NDUFAF6: variants seen among roughly 807,000 people sequenced by gnomAD.
The protein encoded by NDUFAF6 is NADH:ubiquinone oxidoreductase complex assembly factor 6.
In NDUFAF6, 45 loss-of-function variants were observed where a neutral mutation model predicts 40.8. The ratio of observed to expected loss-of-function variants is 1.10; its 90% confidence interval spans 0.87 to 1.42. The LOEUF is 1.42. Among genes scored for constraint, NDUFAF6 ranks in the 40% most tolerant of loss-of-function variants. The probability of loss-of-function intolerance (pLI) is 0.00; values close to 1 mark genes in which losing one functional copy is unlikely to be tolerated. For missense variants in NDUFAF6, 435 were observed against 418.5 expected, an observed-to-expected ratio of 1.04 and a Z score of -0.34; for synonymous variants, 185 against 155.9, an observed-to-expected ratio of 1.19 and a Z score of -1.39.
chr8:94,896,741 C>G (rs1260772860), intron 1 of NDUFAF6: 1 of 152,112 alleles, frequency 6.6e-6, no homozygotes, highest in African/African-American at 2.4e-5. Context: ...CCCGCCCGGC[C>G]TTTTGTGCTG....
chr8:94,955,154 C>A (rs115995306), upstream of NDUFAF6, among the ~76,000 whole-genome samples: 458 of 152,320 alleles, frequency 3.0e-3, 1 homozygote, highest in African/African-American at 0.011. Flanking sequence ...ACATGTAGGT[C>A]TTTGGTAAGT....
intron 1 of NDUFAF6, among the ~76,000 whole-genome samples, chr8:94,971,909 G>A (rs1472726847): frequency 1.4e-4 from 21 of 151,672 alleles, no homozygotes; most frequent in Admixed American, 1.4e-3. Flanking sequence ...TTGCACTCCA[G>A]CCTGGGCAAC....
intron 2 of NDUFAF6, among the ~76,000 whole-genome samples, chr8:94,986,896 T>TCTAC (rs1413026903): frequency 6.6e-6 from 1 of 152,224 alleles, no homozygotes; most frequent in Admixed American, 6.5e-5. Flanking sequence ...AAATTGAGGC[T>TCTAC]CTACAGGAGC....
At chr8:95,074,656 CTCT>C (rs1319785346) in intron 9 of NDUFAF6, among the ~76,000 whole-genome samples, 1 of 152,216 alleles carries the variant, frequency 6.6e-6, no homozygotes, top group Non-Finnish European at 1.5e-5. Flanking sequence ...CTTCCCCCTC[CTCT>C]TTTCTCTGTC....
intron 1 of NDUFAF6, among the ~76,000 whole-genome samples, chr8:94,920,784 A>G (rs1319065922): frequency 2.0e-5 from 3 of 152,318 alleles, no homozygotes; most frequent in Middle Eastern, 3.4e-3. Context: ...GCCATTCTCT[A>G]TGAGCATCCC....
chr8:95,095,380 G>C (rs140310239), intron 2 of NDUFAF6, among the ~76,000 whole-genome samples: 107 of 152,266 alleles, frequency 7.0e-4, no homozygotes, highest in African/African-American at 2.5e-3. Flanking sequence ...TCATCCGAAT[G>C]GGATCCAGGT....
chr8:95,068,190 A>G (rs192522126), intron 9 of NDUFAF6: 2 of 151,972 alleles, frequency 1.3e-5, no homozygotes, highest in East Asian at 3.9e-4. Context: ...CTTGGATCGC[A>G]AAGTCCCTGG....
At chr8:95,010,729 T>A (rs1211819484) in intron 2 of NDUFAF6, among the ~76,000 whole-genome samples, 1 of 151,682 alleles carries the variant, frequency 6.6e-6, no homozygotes, top group Non-Finnish European at 1.5e-5. Context: ...TCAGACTCTT[T>A]AAAAAAAAAT....
intron 2 of NDUFAF6, chr8:94,984,253 G>A (rs529013193): frequency 6.6e-6 from 1 of 152,248 alleles, no homozygotes; most frequent in East Asian, 1.9e-4. Flanking sequence ...CTAATTTTGA[G>A]AAGCAGTTTA....
chr8:95,070,469 A>G (rs1832814932), intron 9 of NDUFAF6, among the ~76,000 whole-genome samples: 1 of 152,168 alleles, frequency 6.6e-6, no homozygotes. Flanking sequence ...GAAATTTGAT[A>G]TTTTCCATCT....
chr8:94,986,482 C>A (rs1164459529), intron 2 of NDUFAF6, among the ~76,000 whole-genome samples: 2 of 152,134 alleles, frequency 1.3e-5, no homozygotes, highest in Non-Finnish European at 2.9e-5. Context: ...AAAATACAAT[C>A]TAGAGGTAGC....
At position 95,025,137 on chromosome 8, in the gene NDUFAF6, G is replaced by T; in HGVS notation, c.129G>T (p.Gly43=). 1 of 1,485,468 alleles carries T rather than the reference G, an allele frequency of 6.7e-7. No individual in the cohort carries two copies. Among genetic ancestry groups the T allele is most frequent in the Non-Finnish European group, 8.9e-7 (1 of 1,127,808 alleles). 92.0% of individuals were successfully genotyped at this position (1,485,468 alleles called of 1,614,324 possible). ...MRRLPGPEVS[G]RSVAAASGPG... is the part of the protein sequence containing the mutation. Reference sequence around the variant, plus strand: ...GGCTGCCCGGGCCGGAGGTGTCTGGGCGGAGCGTGGCTGCGGCCAGCGGAC... The same window carrying T: ...GGCTGCCCGGGCCGGAGGTGTCTGGTCGGAGCGTGGCTGCGGCCAGCGGAC... The change falls in exon 1 of 9, where the codon GGG becomes GGT. Residue 43 remains glycine (G), a synonymous_variant. Transcript: ENST00000396124.
intron 1 of NDUFAF6, among the ~76,000 whole-genome samples, chr8:94,912,754 A>G (rs1818868581): frequency 6.6e-6 from 1 of 151,438 alleles, no homozygotes; most frequent in African/African-American, 2.4e-5. Context: ...CGGAGCTTGC[A>G]GTGAGCCGAG....
chr8:95,047,055 CACTT>C lies in NDUFAF6; in HGVS notation c.643_646del (p.Thr215AlafsTer2), dbSNP rs1563828269. On this transcript the variant is annotated frameshift_variant, in exon 6 of 9. Coordinates refer to ENST00000396124, the MANE Select transcript of NDUFAF6 (RefSeq NM_152416.4). LOFTEE classifies it high-confidence loss of function. ...ATATTGGAAAAGCACAAGGCATTGT[CACTT>C]GCTTGAGAGCAACACCATATCATGG... The C allele has an allele frequency of 1.9e-6, 3 of 1,614,136 alleles. No individual in the cohort carries two copies. In the Admixed American group the frequency reaches 5.0e-5, roughly 27 times the overall value.
intron 2 of NDUFAF6, among the ~76,000 whole-genome samples, chr8:95,090,500 A>G (rs1469981210): frequency 1.3e-5 from 2 of 151,996 alleles, no homozygotes; most frequent in Non-Finnish European, 2.9e-5. Context: ...TTTACAGTGA[A>G]CTTTCTACTC....
chr8:94,941,981 G>C (rs1054389780), intron 1 of NDUFAF6, among the ~76,000 whole-genome samples: 5 of 151,678 alleles, frequency 3.3e-5, no homozygotes, highest in Non-Finnish European at 7.4e-5. Context: ...CCCTTTCTCA[G>C]GAAGCAGCAG....
chr8:94,898,457 A>G (rs1817800232), intron 1 of NDUFAF6, among the ~76,000 whole-genome samples: 1 of 152,208 alleles, frequency 6.6e-6, no homozygotes, highest in Non-Finnish European at 1.5e-5. Context: ...CCGGTAGACG[A>G]GTTGACTGGG....
rs190137072 is a variant in NDUFAF6, at chr8:95,084,659, C to T, written n.213+8907C>T. Among the ~76,000 whole-genome samples the T allele has an allele frequency of 2.9e-3, 447 of 152,256 alleles. 1 individual carries two copies. Among genetic ancestry groups the T allele is most frequent in the Admixed American group, 4.6e-3 (71 of 15,290 alleles). On this transcript the variant is annotated intron_variant and non_coding_transcript_variant, in intron 2 of 5. Coordinates refer to the NDUFAF6 transcript ENST00000523184. ...GGCTTGGTGTGAATTCATTTGGCTT[C>T]CTAGGTAATTGGACTCAAACATGGA...
chr8:94,928,516 A>G (rs1820094781), intron 1 of NDUFAF6: 1 of 152,588 alleles, frequency 6.6e-6, no homozygotes, highest in Admixed American at 6.5e-5. Flanking sequence ...TAGTAAGAGA[A>G]AACAACTTCT....
Sources: gnomAD v4.1 joint callset for allele counts (sites outside exome capture counted in the v4.1 genomes callset) on GRCh38, gnomAD v4.1.1 for gene constraint, MANE v1.5 for transcripts, NCBI Gene and HGNC (gene_info 2026-07-23, HGNC 2026-07-21) for gene names.